Variants in PLCE1 observed in about 807,000 individuals in gnomAD.
The protein encoded by PLCE1 is 1-phosphatidylinositol 4,5-bisphosphate phosphodiesterase epsilon-1.
A neutral mutation model predicts 242.8 loss-of-function variants in PLCE1; 119 were observed. The observed-to-expected ratio is 0.49, with a 90% CI of 0.42 to 0.57. The LOEUF (loss-of-function observed/expected upper bound fraction) is 0.57, where lower values mean the gene tolerates loss of function less well. PLCE1 is among the 20% of genes least tolerant of loss of function. The pLI, the probability that PLCE1 is intolerant of heterozygous loss-of-function variation, is 0.00. For missense variants in PLCE1, 2,441 were observed against 2,788.8 expected (o/e 0.88, Z 2.81); for synonymous variants, 945 against 1,017.4 (o/e 0.93, Z 1.35).
At chr10:94,303,754 T>C (rs2053114192) in intron 24 of PLCE1, among the ~76,000 whole-genome samples, 1 of 152,160 alleles carries the variant, frequency 6.6e-6, no homozygotes, top group Non-Finnish European at 1.5e-5. Context: ...TGCCCCTCCA[T>C]ATCCTTGGGT....
At chr10:94,133,174 C>A (rs1276366624) in intron 3 of PLCE1, among the ~76,000 whole-genome samples, 3 of 152,056 alleles carry the variant, frequency 2.0e-5, no homozygotes, top group Non-Finnish European at 4.4e-5. Context: ...TATAGATCTC[C>A]TTCATACATA....
At chr10:94,016,255 A>G (rs1288969584) in intron 1 of PLCE1, among the ~76,000 whole-genome samples, 1 of 151,978 alleles carries the variant, frequency 6.6e-6, no homozygotes, top group Non-Finnish European at 1.5e-5. Context: ...ATATTTAGAC[A>G]ATAGTACTAG....
intron 9 of PLCE1, among the ~76,000 whole-genome samples, chr10:94,252,943 G>A (rs2050932066): frequency 6.6e-6 from 1 of 152,190 alleles, no homozygotes; most frequent in Non-Finnish European, 1.5e-5. Flanking sequence ...GTTCAAGGAA[G>A]CACATGCTGT....
At chr10:94,251,605 T>C (rs937206251) in intron 8 of PLCE1, among the ~76,000 whole-genome samples, 2 of 152,222 alleles carry the variant, frequency 1.3e-5, no homozygotes, top group Admixed American at 1.3e-4. Context: ...AATTGTTTAA[T>C]TAATAGATCC....
rs1293030902 is a variant in PLCE1 at position 94,331,212 on chromosome 10, T to C, written c.*3269T>C. 1 of 152,234 alleles carries C rather than the reference T, an allele frequency of 6.6e-6. No individual in the cohort carries two copies. The highest frequency in any genetic ancestry group is 1.5e-5 in the Non-Finnish European group (1 of 68,040). The allele number at this position is 152,234 out of a possible 1,614,324, so 9.4% of individuals were successfully genotyped here. A position where few individuals can be genotyped will look rare whatever the true frequency, so the allele number is the denominator to read the frequency against. On this transcript the variant is annotated 3_prime_UTR_variant, in exon 33 of 33. Coordinates refer to ENST00000371380, the MANE Select transcript of PLCE1 (RefSeq NM_016341.4). ...TGACTTGTTTTTAATCAAACTTGCT[T>C]TCTTTTATGGGAGGCTTTTATGCCT...
intron 27 of PLCE1, among the ~76,000 whole-genome samples, chr10:94,309,774 C>G (rs1312595489): frequency 1.3e-5 from 2 of 152,182 alleles, no homozygotes; most frequent in African/African-American, 4.8e-5. Context: ...GCGGCTCATG[C>G]CTCTAATCCC....
intron 8 of PLCE1, among the ~76,000 whole-genome samples, chr10:94,249,425 TA>T (rs56780364): frequency 3.8e-4 from 56 of 148,988 alleles, no homozygotes; most frequent in Admixed American, 6.7e-4. Flanking sequence ...GCCCTAAAGT[TA>T]AAAAAAAAAA....
intron 2 of PLCE1, among the ~76,000 whole-genome samples, chr10:94,097,786 C>T (rs1367684499): frequency 6.6e-6 from 1 of 152,176 alleles, no homozygotes; most frequent in Non-Finnish European, 1.5e-5. Context: ...CTGCCATCGT[C>T]CAAGTATGTG....
intron 2 of PLCE1, among the ~76,000 whole-genome samples, chr10:94,078,871 C>T (rs1453729093): frequency 6.6e-6 from 1 of 152,184 alleles, no homozygotes; most frequent in Non-Finnish European, 1.5e-5. Flanking sequence ...AATCTGACCT[C>T]CACAACAATA....
At chr10:94,202,066 G>C (rs975260664) in intron 4 of PLCE1, among the ~76,000 whole-genome samples, 5 of 152,168 alleles carry the variant, frequency 3.3e-5, no homozygotes, top group Non-Finnish European at 7.3e-5. Flanking sequence ...GTGTGTGTAT[G>C]GTTGTTATTT....
chr10:94,067,100 G>C lies in PLCE1; in HGVS notation c.1206+34848G>C, dbSNP rs1420239688. Among the ~76,000 whole-genome samples, 5 of 152,244 alleles carry C rather than the reference G, an allele frequency of 3.3e-5. 1 individual carries two copies. Among genetic ancestry groups the C allele is most frequent in the African/African-American group, 1.2e-4 (5 of 41,558 alleles). On this transcript the variant is annotated intron_variant, in intron 2 of 32. Transcript: ENST00000371380. ...AAACAAAACCCCTATCTCTGCTTCT[G>C]ATTTTCCTCCCCAACCCTCAGGTCC...
rs1589543972 is a variant in PLCE1, at chr10:94,322,399, C to T, written c.6501+340C>T. ...AACCCAGTGGCTCACACCTGTAATC[C>T]CAGCAGTTTGGGAGGCTGAGGGGGG... On this transcript the variant is annotated intron_variant, in intron 30 of 32. Transcript: ENST00000371380. Among the ~76,000 whole-genome samples the T allele has an allele frequency of 1.3e-5, 2 of 151,966 alleles. 1 individual carries two copies. Among genetic ancestry groups the T allele is most frequent in the East Asian group, 3.9e-4 (2 of 5,182 alleles).
intron 11 of PLCE1, among the ~76,000 whole-genome samples, chr10:94,257,203 G>C (rs945433594): frequency 2.6e-5 from 4 of 151,926 alleles, no homozygotes; most frequent in Non-Finnish European, 4.4e-5. Flanking sequence ...TAGCAGGGTT[G>C]AGAGTCACTT....
intron 4 of PLCE1, among the ~76,000 whole-genome samples, chr10:94,200,063 A>G (rs1467505914): frequency 6.6e-6 from 1 of 152,250 alleles, no homozygotes; most frequent in African/African-American, 2.4e-5. Context: ...ACTAATTCTT[A>G]GTGTGTTACA....
At chr10:94,030,393 T>C (rs1488713038) in intron 1 of PLCE1, among the ~76,000 whole-genome samples, 3 of 152,036 alleles carry the variant, frequency 2.0e-5, no homozygotes, top group Non-Finnish European at 2.9e-5. Context: ...CAGACATCAA[T>C]GTCTGTGTTG....
intron 3 of PLCE1, among the ~76,000 whole-genome samples, chr10:94,135,236 A>AAT (rs2046733165): frequency 6.6e-6 from 1 of 152,168 alleles, no homozygotes; most frequent in African/African-American, 2.4e-5. Flanking sequence ...GTACATTACA[A>AAT]ATATATATAA....
At chr10:94,322,954 C>T (rs1166589784) in intron 30 of PLCE1, among the ~76,000 whole-genome samples, 1 of 152,124 alleles carries the variant, frequency 6.6e-6, no homozygotes. Flanking sequence ...CAGACCCTGT[C>T]TCAAACAAAA....
chr10:94,071,360 C>T (rs1024948564), intron 2 of PLCE1, among the ~76,000 whole-genome samples: 3 of 152,098 alleles, frequency 2.0e-5, no homozygotes, highest in East Asian at 1.9e-4. Flanking sequence ...TCTTACTCCC[C>T]GCACATTCCA....
intron 2 of PLCE1, among the ~76,000 whole-genome samples, chr10:94,082,863 A>G (rs1240351084): frequency 6.6e-6 from 1 of 152,258 alleles, no homozygotes; most frequent in African/African-American, 2.4e-5. Context: ...ACTGAAAACT[A>G]CAGGACATTG....
Sources: allele counts gnomAD v4.1 joint callset (sites outside exome capture counted in the v4.1 genomes callset), GRCh38; gene constraint gnomAD v4.1.1; transcripts MANE v1.5; gene names NCBI Gene and HGNC (gene_info 2026-07-23, HGNC 2026-07-21).